Variants in HIPK2 observed in about 807,000 individuals in gnomAD.
HIPK2 encodes homeodomain-interacting protein kinase 2.
HIPK2 carries 27 observed loss-of-function variants against 113.7 expected under a neutral mutation model. The observed-to-expected ratio is 0.24, with a 90% confidence interval of 0.17 to 0.33. The LOEUF (loss-of-function observed/expected upper bound fraction) is 0.33, where lower values mean the gene tolerates loss of function less well. Ranked by LOEUF, HIPK2 falls within the 10% of genes least tolerant of loss-of-function variation. The pLI, the probability that HIPK2 is intolerant of heterozygous loss-of-function variation, is 1.00. For synonymous variants in HIPK2, 631 were observed against 642.2 expected, an observed-to-expected ratio of 0.98 and a Z score of 0.26; for missense variants, 1,257 against 1,588.0, an observed-to-expected ratio of 0.79 and a Z score of 3.54.
intron 2 of HIPK2, among the ~76,000 whole-genome samples, chr7:139,703,184 C>T (rs1220053348): frequency 6.6e-6 from 1 of 152,094 alleles, no homozygotes; most frequent in East Asian, 1.9e-4. Context: ...GATTTAAAAT[C>T]ATTTTGAAAA....
At chr7:139,625,661 G>A (rs778006936) in intron 6 of HIPK2, among the ~76,000 whole-genome samples, 1 of 152,160 alleles carries the variant, frequency 6.6e-6, no homozygotes, top group Non-Finnish European at 1.5e-5. Context: ...CTTCCTGGGA[G>A]TCTTCCTGGT....
chr7:139,754,337 A>G (rs943961828), intron 1 of HIPK2, among the ~76,000 whole-genome samples: 1 of 152,242 alleles, frequency 6.6e-6, no homozygotes, highest in African/African-American at 2.4e-5. Flanking sequence ...TTCACTTTGC[A>G]TTACTGCTGA....
In HIPK2 at chr7:139,641,334, CAGCCTGGGTGACAGAGCA is replaced by C. The variant is rs768158952; in HGVS notation, c.1104-9627_1104-9610del. 1.3e-4 allele frequency among the ~76,000 whole-genome samples: 19 copies of C among 146,432 alleles called. No individual in the cohort carries two copies. The South Asian group carries it at 4.1e-3, about 31-fold the overall frequency. ...GAGCTGAGATTGCGCCACTACACTC[CAGCCTGGGTGACAGAGCA>C]AGCAAGACTCAGTCTCAAAAAAAAA... On this transcript the variant is annotated intron_variant, in intron 2 of 14. Transcript: ENST00000406875.
At chr7:139,768,660 G>C (rs1796592774) in intron 1 of HIPK2, among the ~76,000 whole-genome samples, 1 of 152,182 alleles carries the variant, frequency 6.6e-6, no homozygotes, top group Non-Finnish European at 1.5e-5. Flanking sequence ...CTCCCTGCAG[G>C]AGGGGCTCAG....
At chr7:139,767,056 T>C (rs1796565064) in intron 1 of HIPK2, among the ~76,000 whole-genome samples, 1 of 152,234 alleles carries the variant, frequency 6.6e-6, no homozygotes, top group African/African-American at 2.4e-5. Flanking sequence ...CGAAGAATGC[T>C]AAGGCCAGGT....
intron 2 of HIPK2, among the ~76,000 whole-genome samples, chr7:139,662,972 C>T (rs12112049): frequency 6.6e-6 from 1 of 152,118 alleles, no homozygotes; most frequent in Non-Finnish European, 1.5e-5. Flanking sequence ...CTGACACTAT[C>T]CAAGTCCTGT....
chr7:139,576,357 C>T (rs183758391), intron 13 of HIPK2, among the ~76,000 whole-genome samples: 2 of 152,344 alleles, frequency 1.3e-5, no homozygotes, highest in Admixed American at 1.3e-4. Context: ...GCATCTTGTT[C>T]AGTGCAGACT....
chr7:139,581,934 G>A (rs1175884710), intron 13 of HIPK2, among the ~76,000 whole-genome samples: 1 of 152,174 alleles, frequency 6.6e-6, no homozygotes, highest in Non-Finnish European at 1.5e-5. Context: ...TCTATCCTTT[G>A]CAAATATTTA....
At chr7:139,624,287 T>G (rs186539672) in intron 6 of HIPK2, among the ~76,000 whole-genome samples, 45 of 152,314 alleles carry the variant, frequency 3.0e-4, no homozygotes, top group African/African-American at 1.0e-3. Flanking sequence ...CTTCCCAAAG[T>G]GCTGGGATTA....
At chr7:139,655,480 C>T (rs1004092031) in intron 2 of HIPK2, among the ~76,000 whole-genome samples, 2 of 152,194 alleles carry the variant, frequency 1.3e-5, no homozygotes, top group South Asian at 4.1e-4. Flanking sequence ...TGCACAGCAA[C>T]TCTGTCTTCC....
chr7:139,649,539 G>T (rs1433236497), intron 2 of HIPK2, among the ~76,000 whole-genome samples: 1 of 144,180 alleles, frequency 6.9e-6, no homozygotes, highest in Non-Finnish European at 1.6e-5. Context: ...GTGATGTAGA[G>T]CCTGAGGGTA....
chr7:139,772,948 A>C (rs926265728), intron 1 of HIPK2, among the ~76,000 whole-genome samples: 1 of 151,832 alleles, frequency 6.6e-6, no homozygotes, highest in African/African-American at 2.4e-5. Context: ...GCCACTAAAA[A>C]AAAAAAGGAG....
intron 2 of HIPK2, among the ~76,000 whole-genome samples, chr7:139,640,963 G>A (rs1479374243): frequency 6.6e-6 from 1 of 152,140 alleles, no homozygotes; most frequent in Non-Finnish European, 1.5e-5. Context: ...ACACTCTGTT[G>A]AAATACATTA....
intron 2 of HIPK2, among the ~76,000 whole-genome samples, chr7:139,668,982 A>G (rs1802162618): frequency 6.6e-6 from 1 of 152,246 alleles, no homozygotes; most frequent in South Asian, 2.1e-4. Flanking sequence ...TTCACGTGGA[A>G]GGATCACTTT....
At chr7:139,703,594 G>A (rs1302422744) in intron 2 of HIPK2, among the ~76,000 whole-genome samples, 4 of 151,846 alleles carry the variant, frequency 2.6e-5, no homozygotes, top group East Asian at 1.9e-4. Flanking sequence ...GAATTAGGAC[G>A]AGGAAGGAGC....
intron 2 of HIPK2, among the ~76,000 whole-genome samples, chr7:139,670,390 C>G (rs765791711): frequency 4.6e-5 from 7 of 151,152 alleles, no homozygotes; most frequent in Non-Finnish European, 8.8e-5. Context: ...TCAAGACCAG[C>G]CAGGGCATCA....
chr7:139,769,263 C>T (rs1432237273), intron 1 of HIPK2, among the ~76,000 whole-genome samples: 2 of 151,840 alleles, frequency 1.3e-5, no homozygotes, highest in African/African-American at 4.8e-5. Flanking sequence ...TGCCTTCCAC[C>T]GCACCACAAG....
intron 2 of HIPK2, among the ~76,000 whole-genome samples, chr7:139,634,674 GTTTTTT>G (rs1181829827): frequency 8.8e-6 from 1 of 113,664 alleles, no homozygotes; most frequent in African/African-American, 4.0e-5. Flanking sequence ...TCTGTTTCAG[GTTTTTT>G]TTTTTTTTTT....
intron 1 of HIPK2, among the ~76,000 whole-genome samples, chr7:139,766,279 G>C (rs1325966463): frequency 1.3e-5 from 2 of 152,248 alleles, no homozygotes; most frequent in African/African-American, 2.4e-5. Context: ...GCAATAGCAA[G>C]TGTGCGGTAT....
Sources: allele counts gnomAD v4.1 joint callset (sites outside exome capture counted in the v4.1 genomes callset), GRCh38; gene constraint gnomAD v4.1.1; transcripts MANE v1.5; gene names NCBI Gene and HGNC (gene_info 2026-07-23, HGNC 2026-07-21).